Variants in FRMD4A observed in about 807,000 individuals in gnomAD.
FRMD4A encodes the protein FERM domain containing 4A.
A neutral mutation model predicts 129.1 loss-of-function variants in FRMD4A; 29 were observed. The observed-to-expected ratio is 0.22, with a 90% CI of 0.17 to 0.31. The LOEUF is 0.31. FRMD4A is among the 10% of genes least tolerant of loss of function. The pLI is 1.00. For synonymous variants in FRMD4A, 634 were observed against 571.6 expected (o/e 1.11, Z -1.56); for missense variants, 1,272 against 1,375.8 (o/e 0.92, Z 1.19).
intron 2 of FRMD4A, among the ~76,000 whole-genome samples, chr10:14,123,175 T>G (rs1473937050): frequency 6.6e-6 from 1 of 152,054 alleles, no homozygotes; most frequent in African/African-American, 2.4e-5. Context: ...GCATGACCCT[T>G]GCAAGTTGCT....
chr10:14,128,331 C>T (rs1476181774), intron 2 of FRMD4A, among the ~76,000 whole-genome samples: 1 of 151,912 alleles, frequency 6.6e-6, no homozygotes, highest in Admixed American at 6.6e-5. Context: ...CGCAAACTCC[C>T]GGGCTCAAGT....
At chr10:13,880,392 C>T (rs1001226453) in intron 2 of FRMD4A, among the ~76,000 whole-genome samples, 1 of 152,252 alleles carries the variant, frequency 6.6e-6, no homozygotes, top group African/African-American at 2.4e-5. Context: ...AACCTGAACA[C>T]TTTTCATCAC....
At chr10:14,161,365 AC>A (rs1840879373) in intron 2 of FRMD4A, among the ~76,000 whole-genome samples, 1 of 152,126 alleles carries the variant, frequency 6.6e-6, no homozygotes, top group Non-Finnish European at 1.5e-5. Flanking sequence ...AGATACCTGC[AC>A]CCCCATGTTT....
intron 3 of FRMD4A, among the ~76,000 whole-genome samples, chr10:13,854,709 G>T (rs1366874796): frequency 6.6e-6 from 1 of 151,902 alleles, no homozygotes; most frequent in Admixed American, 6.6e-5. Flanking sequence ...TGGGATTACA[G>T]GTGTAAGCCA....
intron 21 of FRMD4A, among the ~76,000 whole-genome samples, chr10:13,657,748 G>T (rs2082290290): frequency 6.6e-6 from 1 of 151,686 alleles, no homozygotes; most frequent in Non-Finnish European, 1.5e-5. Context: ...GTGGGAAGTG[G>T]GACTGAAGCT....
At chr10:14,204,742 G>A (rs568704146) in intron 2 of FRMD4A, among the ~76,000 whole-genome samples, 2 of 152,258 alleles carry the variant, frequency 1.3e-5, no homozygotes, top group South Asian at 4.2e-4. Context: ...GGAGCCTGGA[G>A]AGAGAGATTC....
At chr10:14,317,113 CATG>C (rs1431654595) in intron 2 of FRMD4A, among the ~76,000 whole-genome samples, 1 of 152,200 alleles carries the variant, frequency 6.6e-6, no homozygotes, top group Non-Finnish European at 1.5e-5. Context: ...TCATTTCCAG[CATG>C]ATATTTCTAC....
chr10:13,740,823 G>GTTTTTTTTTT lies in FRMD4A; in HGVS notation c.549-247_549-246insAAAAAAAAAA, dbSNP rs369798483. On this transcript the variant is annotated intron_variant, in intron 9 of 24. Coordinates refer to ENST00000357447, the MANE Select transcript of FRMD4A (RefSeq NM_018027.5). The stretch of plus-strand genomic sequence containing the variant: ...GACTTGCATTCTCTTTGTCTTGGAT[G>GTTTTTTTTTT]TTTGTTTTTTTTTTTTTTTTTGAGA... 1.7e-4 allele frequency among the ~76,000 whole-genome samples: 18 copies of GTTTTTTTTTT among 105,108 alleles called. 2 individuals carry two copies. The highest frequency in any genetic ancestry group is 2.7e-4 in the African/African-American group (7 of 25,512). 69.0% of individuals were successfully genotyped at this position (105,108 alleles called of 152,430 possible). A position where few individuals can be genotyped will look rare whatever the true frequency, so the allele number is the denominator to read the frequency against.
chr10:14,280,392 T>G (rs1164285040), intron 2 of FRMD4A, among the ~76,000 whole-genome samples: 2 of 152,124 alleles, frequency 1.3e-5, no homozygotes, highest in African/African-American at 2.4e-5. Flanking sequence ...GAGATCCTCC[T>G]GCTTCAGCCC....
At position 13,821,644 on chromosome 10, in the gene FRMD4A, C is replaced by T. The variant is rs2093631119; in HGVS notation, c.112-10736G>A. Among the ~76,000 whole-genome samples the T allele has an allele frequency of 6.6e-6, 1 of 152,162 alleles. No individual in the cohort carries two copies. The highest frequency in any genetic ancestry group is 2.4e-5 in the African/African-American group (1 of 41,426). On this transcript the variant is annotated intron_variant, in intron 3 of 24. Transcript: ENST00000357447. This position sits in a 1 kb window ranked among gnomAD's most constrained non-coding sequence, Gnocchi z 4.3. ...AACCAGAAACACCTGAAGTAGACAC[C>T]AGGATTGCCCCCATGTGATAGAGGG... is the stretch of plus-strand genomic sequence containing the variant.
intron 2 of FRMD4A, among the ~76,000 whole-genome samples, chr10:14,162,204 C>T (rs968782775): frequency 6.6e-6 from 1 of 152,022 alleles, no homozygotes; most frequent in South Asian, 2.1e-4. Flanking sequence ...TTCAAGGGCT[C>T]GATAGTCACA....
intron 2 of FRMD4A, among the ~76,000 whole-genome samples, chr10:13,906,622 G>C (rs1055371246): frequency 8.5e-5 from 13 of 152,172 alleles, no homozygotes; most frequent in Non-Finnish European, 1.6e-4. Flanking sequence ...TCTCCACTAT[G>C]TTAGATGTCA....
intron 2 of FRMD4A, among the ~76,000 whole-genome samples, chr10:14,237,843 G>A (rs1284997996): frequency 2.0e-5 from 3 of 152,160 alleles, no homozygotes. Flanking sequence ...TATGATGAGG[G>A]TGCTAAGGCT....
intron 2 of FRMD4A, among the ~76,000 whole-genome samples, chr10:14,200,170 C>T (rs1158033783): frequency 6.7e-6 from 1 of 150,146 alleles, no homozygotes; most frequent in Non-Finnish European, 1.5e-5. Context: ...TGGGATTACA[C>T]GCATGAGCCA....
rs776137179 is a variant in FRMD4A, at chr10:13,701,450, G to T, written c.865C>A (p.His289Asn). 1.9e-6 allele frequency: 3 copies of T among 1,613,800 alleles called. No homozygotes were observed. The Admixed American group carries it at 5.0e-5, about 27-fold the overall frequency. The change falls in exon 14 of 25, where the codon CAC becomes AAC. Residue 289 changes from histidine to asparagine, a missense_variant. Around this residue, in one of 2 missense-constraint regions of FRMD4A, gnomAD observed 300 missense variants for 483.6 expected, o/e 0.62. Transcript: ENST00000357447. ...CACGTGTGCACTGCAATGCCGCTGT[G>T]CCCAAACGTCCTCCTTGTCACTGAA... Reference protein sequence around the residue: ...RASVTRRTFGHSGIAVHTWYA... With the variant: ...RASVTRRTFGNSGIAVHTWYA...
rs150371653 is a variant in FRMD4A, at chr10:14,262,780, G to T, written c.45+67278C>A. ...AGACCTGAGAGTGGTCATCTTGGGG[G>T]CCTCAGACCACCATGCTGGTTCATG... On this transcript the variant is annotated intron_variant, in intron 2 of 24. Coordinates refer to ENST00000357447, the MANE Select transcript of FRMD4A (RefSeq NM_018027.5). Among the ~76,000 whole-genome samples the T allele has an allele frequency of 7.2e-5, 11 of 152,312 alleles. No homozygotes were observed. The East Asian group carries it at 2.1e-3, about 29-fold the overall frequency.
chr10:14,237,821 C>T (rs182686369), intron 2 of FRMD4A, among the ~76,000 whole-genome samples: 93 of 152,286 alleles, frequency 6.1e-4, no homozygotes, highest in Non-Finnish European at 1.1e-3. Flanking sequence ...TCTGGGTCTA[C>T]GGAACACTGA....
chr10:13,732,256 C>G (rs904165979), intron 12 of FRMD4A, among the ~76,000 whole-genome samples: 1 of 152,124 alleles, frequency 6.6e-6, no homozygotes, highest in Non-Finnish European at 1.5e-5. Context: ...GAGGGACGGG[C>G]TACTGTTGTG....
chr10:13,688,526 C>G (rs2085326042), intron 15 of FRMD4A, among the ~76,000 whole-genome samples: 1 of 151,580 alleles, frequency 6.6e-6, no homozygotes, highest in Non-Finnish European at 1.5e-5. Flanking sequence ...CACATGTACC[C>G]TAAAACTTAA....
Sources: gnomAD v4.1 joint callset for allele counts (sites outside exome capture counted in the v4.1 genomes callset) on GRCh38, gnomAD v4.1.1 for gene constraint, gnomAD v4.1.1 regional missense constraint, Gnocchi (gnomAD v3.1) non-coding constraint, MANE v1.5 for transcripts, NCBI Gene and HGNC (gene_info 2026-07-23, HGNC 2026-07-21) for gene names.